The following MAP4 variants were observed in gnomAD, a reference collection of about 807,000 sequenced individuals.
MAP4 encodes the protein microtubule associated protein 4.
MAP4 carries 76 observed loss-of-function variants against 170.2 expected under a neutral mutation model. The observed-to-expected ratio is 0.45, with a 90% CI of 0.37 to 0.54. The LOEUF (loss-of-function observed/expected upper bound fraction) is 0.54, where lower values mean the gene tolerates loss of function less well. MAP4 is among the 20% of genes least tolerant of loss of function. MAP4 has a pLI of 0.00. For synonymous variants in MAP4, 909 were observed against 994.5 expected, an observed-to-expected ratio of 0.91 and a Z score of 1.62; for missense variants, 2,506 against 2,748.0, an observed-to-expected ratio of 0.91 and a Z score of 1.97.
At chr3:48,042,528 C>T (rs1470608312) in intron 1 of MAP4, among the ~76,000 whole-genome samples, 2 of 152,036 alleles carry the variant, frequency 1.3e-5, no homozygotes, top group African/African-American at 4.8e-5. Context: ...ACACATTAGT[C>T]ACCAGAAAAA....
chr3:48,003,346 C>T (rs1234777582), intron 1 of MAP4, among the ~76,000 whole-genome samples: 8 of 149,476 alleles, frequency 5.4e-5, no homozygotes, highest in Admixed American at 4.7e-4. Flanking sequence ...CCCAGCTGCT[C>T]GGGAGGCTGA....
In MAP4 at chr3:47,867,298, T is replaced by C. The variant is rs1358463685; in HGVS notation, c.6449A>G (p.Gln2150Arg). 13 of 1,613,764 alleles carry C rather than the reference T, an allele frequency of 8.1e-6. No individual in the cohort carries two copies. Among genetic ancestry groups the C allele is most frequent in the Non-Finnish European group, 1.0e-5 (12 of 1,179,764 alleles). Residue 2150 changes from glutamine to arginine, a missense_variant, in exon 17 of 21, where the codon CAG (glutamine) becomes CGG (arginine). Gln to Arg is a conservative substitution (Grantham distance 43). Coordinates refer to ENST00000683076, the MANE Select transcript of MAP4 (RefSeq NM_001385682.1). ...VSKKVSYSHIQSKCGSKDNIK... is the reference protein window; with the variant it reads ...VSKKVSYSHIRSKCGSKDNIK... ...ATTGTCCTTGGAACCACACTTGGACTGAATATGGCTGTAGCTCACTTTTTT... is the reference window on the plus strand; with the variant it reads ...ATTGTCCTTGGAACCACACTTGGACCGAATATGGCTGTAGCTCACTTTTTT...
intron 17 of MAP4, among the ~76,000 whole-genome samples, chr3:47,864,006 C>G (rs995389429): frequency 6.7e-6 from 1 of 149,120 alleles, no homozygotes; most frequent in African/African-American, 2.5e-5. Context: ...TTTTCAGTGT[C>G]TCTCTCTGTC....
At chr3:48,084,385 C>T (rs1429158666) in intron 1 of MAP4, among the ~76,000 whole-genome samples, 1 of 127,538 alleles carries the variant, frequency 7.8e-6, no homozygotes, top group Admixed American at 8.2e-5. Context: ...GATCTCATCT[C>T]TAAAAAAAAA....
intron 1 of MAP4, among the ~76,000 whole-genome samples, chr3:48,041,742 T>A (rs1371776274): frequency 6.6e-6 from 1 of 152,184 alleles, no homozygotes. Flanking sequence ...CCAAGCTTCT[T>A]TGTAGAAATT....
At chr3:48,001,463 T>C (rs1477246232) in intron 1 of MAP4, among the ~76,000 whole-genome samples, 1 of 152,224 alleles carries the variant, frequency 6.6e-6, no homozygotes, top group Non-Finnish European at 1.5e-5. Flanking sequence ...TCCTCATCAA[T>C]AATTTTAAAT....
At chr3:47,853,445 C>G (rs2048308463) in intron 19 of MAP4, 93 bp from the exon 20 acceptor site, 1 of 909,286 alleles carries the variant, frequency 1.1e-6, no homozygotes, top group South Asian at 1.7e-5. Flanking sequence ...CAGCCCCCAC[C>G]CTTGCTGCCC....
At chr3:47,856,530 C>G (rs2056773471) in intron 18 of MAP4, among the ~76,000 whole-genome samples, 2 of 152,040 alleles carry the variant, frequency 1.3e-5, no homozygotes, top group Non-Finnish European at 2.9e-5. Flanking sequence ...TCTCGCCTCA[C>G]TGTAGTCTCT....
intron 10 of MAP4, chr3:47,891,850 G>A: frequency 1.3e-6 from 2 of 1,536,196 alleles, no homozygotes; most frequent in South Asian, 1.2e-5. Flanking sequence ...CAATCACTGG[G>A]CAGCCAGGGG....
chr3:47,983,761 C>A (rs1470793625), intron 2 of MAP4, among the ~76,000 whole-genome samples: 1 of 152,156 alleles, frequency 6.6e-6, no homozygotes, highest in Non-Finnish European at 1.5e-5. Context: ...TCAAGTGGTA[C>A]TCCTGCCTCA....
intron 2 of MAP4, among the ~76,000 whole-genome samples, chr3:47,998,389 TAAG>T (rs1207755358): frequency 3.9e-5 from 6 of 152,190 alleles, no homozygotes; most frequent in African/African-American, 1.4e-4. Flanking sequence ...TTTAGGAAAT[TAAG>T]AAGAAGATTA....
intron 3 of MAP4, among the ~76,000 whole-genome samples, chr3:47,942,324 T>G (rs1318578518): frequency 6.6e-6 from 1 of 152,142 alleles, no homozygotes; most frequent in Admixed American, 6.6e-5. Context: ...AAGGGGAAAA[T>G]GTCTGAATGT....
rs529429845 is a variant in MAP4, at chr3:47,859,989, A to C, written c.6502-2477T>G. Among the ~76,000 whole-genome samples, 4 of 152,262 alleles carry C rather than the reference A, an allele frequency of 2.6e-5. No homozygotes were observed. In the South Asian group the frequency reaches 8.3e-4, roughly 32 times the overall value. On this transcript the variant is annotated intron_variant, in intron 17 of 20. Coordinates refer to ENST00000683076, the MANE Select transcript of MAP4 (RefSeq NM_001385682.1). The stretch of plus-strand genomic sequence containing the variant: ...AATTCAAGAAGAGGGAGACATGAAG[A>C]CCTCATCCAAACATCTCCCTATCCT...
rs1249680521 is a variant in MAP4 at position 47,910,784 on chromosome 3, C to T, written c.3637G>A (p.Gly1213Ser). ...PWISEKPKKR[G>S]NEGKSKKFKN... ...AACTTTTTGCTTTTGCCTTCATTGC[C>T]TCTCTTTTTAGGCTTTTCAGAAATC... Residue 1213 changes from glycine (G) to serine (S), a missense_variant, in exon 9 of 21, where the codon GGC (glycine) becomes AGC (serine). By Grantham distance (56) the Gly-to-Ser change is moderately conservative (BLOSUM62 0). Around this residue, in one of 3 missense-constraint regions of MAP4, gnomAD observed 2,008 missense variants for 2,206.0 expected, o/e 0.91. Transcript: ENST00000683076. 7 of 1,535,876 alleles carry T rather than the reference C, an allele frequency of 4.6e-6. No homozygotes were observed. The highest frequency in any genetic ancestry group is 1.2e-5 in the South Asian group (1 of 84,048).
rs1035057805 is a variant in MAP4, at chr3:48,057,634, A to T, written c.-20+31139T>A. Among the ~76,000 whole-genome samples the T allele has an allele frequency of 3.4e-4, 45 of 130,436 alleles. 1 individual carries two copies. Among genetic ancestry groups the T allele is most frequent in the African/African-American group, 9.1e-4 (28 of 30,774 alleles). 85.6% of individuals were successfully genotyped at this position (130,436 alleles called of 152,430 possible). ...AAAAATAAATAAATAAATAAATAAA[A>T]AAGAAAAAAAAGAAAAAAAAAAAAA... On this transcript the variant is annotated intron_variant, in intron 1 of 18. Coordinates refer to the MAP4 transcript ENST00000360240.
intron 17 of MAP4, among the ~76,000 whole-genome samples, chr3:47,865,307 C>A (rs1323906486): frequency 6.6e-6 from 1 of 152,222 alleles, no homozygotes; most frequent in East Asian, 1.9e-4. Flanking sequence ...CCCCTGTTCA[C>A]CTTCTGTTTT....
At position 47,991,761 on chromosome 3, in the gene MAP4, G is replaced by A. The variant is rs1033442097; in HGVS notation, c.223+6877C>T. Among the ~76,000 whole-genome samples, 54 of 151,614 alleles carry A rather than the reference G, an allele frequency of 3.6e-4. 1 individual carries two copies. Among genetic ancestry groups the A allele is most frequent in the East Asian group, 7.8e-4 (4 of 5,146 alleles). On this transcript the variant is annotated intron_variant, in intron 2 of 20. Transcript: ENST00000683076. ...CGGCTCACGGCAACCTCTGCCTCCC[G>A]GGTTCAAGTGATTACTCTTGCCTCA...
rs543270498 is a variant in MAP4 at position 47,991,298 on chromosome 3, T to C, written c.223+7340A>G. 8.5e-5 allele frequency among the ~76,000 whole-genome samples: 13 copies of C among 152,320 alleles called. No individual in the cohort carries two copies. In the South Asian group the frequency reaches 2.7e-3, roughly 32 times the overall value. On this transcript the variant is annotated intron_variant, in intron 2 of 20. Coordinates refer to ENST00000683076, the MANE Select transcript of MAP4 (RefSeq NM_001385682.1). ...CTATTATGTGTAACCTACTCAACCG[T>C]CCCTTCTATATCTAGAGGCAAGAAA...
intron 2 of MAP4, among the ~76,000 whole-genome samples, chr3:47,984,906 T>G (rs1002548868): frequency 6.7e-6 from 1 of 150,186 alleles, no homozygotes; most frequent in Non-Finnish European, 1.5e-5. Flanking sequence ...AAGGCGGAGG[T>G]TGCAGTGAGC....
Sources: gnomAD v4.1 joint callset for allele counts (sites outside exome capture counted in the v4.1 genomes callset) on GRCh38, gnomAD v4.1.1 for gene constraint, gnomAD v4.1.1 regional missense constraint, MANE v1.5 for transcripts, NCBI Gene and HGNC (gene_info 2026-07-23, HGNC 2026-07-21) for gene names.